The following TMEM100 variants were observed in gnomAD, a reference collection of about 807,000 sequenced individuals.
The protein encoded by TMEM100 is transmembrane protein 100.
For synonymous variants in TMEM100, 61 were observed against 67.1 expected (o/e 0.91, Z 0.44); for missense variants, 137 against 168.2 (o/e 0.81, Z 1.02).
upstream of TMEM100, among the ~76,000 whole-genome samples, chr17:55,727,271 T>C (rs961777921): frequency 2.0e-5 from 3 of 152,242 alleles, no homozygotes; most frequent in Non-Finnish European, 4.4e-5. Flanking sequence ...TTTATGTTTA[T>C]GTACGTTATT....
chr17:55,721,167 G>T, intron 1 of TMEM100, 32 bp from the exon 2 acceptor site: 1 of 1,389,464 alleles, frequency 7.2e-7, no homozygotes. Flanking sequence ...TCAGCTACAT[G>T]TATCAGAATG....
chr17:55,728,846 A>T (rs557974827), intron 1 of TMEM100, among the ~76,000 whole-genome samples: 1 of 152,302 alleles, frequency 6.6e-6, no homozygotes, highest in African/African-American at 2.4e-5. Flanking sequence ...TTCATGGCAC[A>T]CAGGCATTTA....
At chr17:55,730,113 G>C (rs906479589) in intron 1 of TMEM100, among the ~76,000 whole-genome samples, 2 of 152,174 alleles carry the variant, frequency 1.3e-5, no homozygotes, top group Admixed American at 1.3e-4. Flanking sequence ...TCATGCAATG[G>C]AAGCAAGCCT....
chr17:55,724,328 A>G (rs1909005013), upstream of TMEM100, among the ~76,000 whole-genome samples: 1 of 152,236 alleles, frequency 6.6e-6, no homozygotes, highest in South Asian at 2.1e-4. Flanking sequence ...TTATGTCCTT[A>G]TAAAAAATAA....
chr17:55,731,877 A>T (rs542619766), exon 1 of TMEM100: 1 of 152,362 alleles, frequency 6.6e-6, no homozygotes, highest in East Asian at 1.9e-4. Context: ...TGTAAACTGC[A>T]TTTGAAAGGA....
intron 1 of TMEM100, among the ~76,000 whole-genome samples, chr17:55,730,745 C>T (rs1909183861): frequency 6.6e-6 from 1 of 152,214 alleles, no homozygotes. Flanking sequence ...AAACAGAACA[C>T]TTTGCCCAGC....
chr17:55,720,711 C>T lies in TMEM100; in HGVS notation c.360G>A (p.Glu120=). The T allele has an allele frequency of 1.2e-6, 2 of 1,613,804 alleles. No homozygotes were observed. Among genetic ancestry groups the T allele is most frequent in the Non-Finnish European group, 1.7e-6 (2 of 1,179,846 alleles). Residue 120 remains glutamate (E), a synonymous_variant, in exon 2 of 2, where the codon GAG becomes GAA. Transcript: ENST00000424486. ...RQRSKKAKRR[E]SQTALVANQR... ...GATTTGCCACGAGAGCTGTTTGACT[C>T]TCCCGTCTCTTGGCTTTCTTGCTCC...
chr17:55,726,428 A>G (rs1909077279), upstream of TMEM100, among the ~76,000 whole-genome samples: 1 of 152,118 alleles, frequency 6.6e-6, no homozygotes, highest in Non-Finnish European at 1.5e-5. Flanking sequence ...AAGGTTGCAA[A>G]AGGGGATGTT....
At chr17:55,730,862 C>T (rs752390533) in intron 1 of TMEM100, among the ~76,000 whole-genome samples, 4 of 152,118 alleles carry the variant, frequency 2.6e-5, no homozygotes, top group African/African-American at 7.2e-5. Context: ...TTTAAAGTCT[C>T]GTTTTGTAAA....
At chr17:55,730,268 C>T (rs75805741) in intron 1 of TMEM100, among the ~76,000 whole-genome samples, 83 of 151,898 alleles carry the variant, frequency 5.5e-4, no homozygotes, top group Non-Finnish European at 1.1e-3. Context: ...ACATTGAAAT[C>T]GGATGTAAAT....
At chr17:55,724,564 A>G (rs1003306731), upstream of TMEM100, among the ~76,000 whole-genome samples, 1 of 152,216 alleles carries the variant, frequency 6.6e-6, no homozygotes, top group Non-Finnish European at 1.5e-5. Context: ...GCTACGTACA[A>G]TGGAGGTTCT....
intron 1 of TMEM100, among the ~76,000 whole-genome samples, chr17:55,731,128 A>G (rs1476720184): frequency 6.6e-6 from 1 of 152,210 alleles, no homozygotes; most frequent in East Asian, 1.9e-4. Context: ...GACTTCCAGT[A>G]TGATGGACTC....
At chr17:55,722,200 G>C (rs761746233) in intron 1 of TMEM100, among the ~76,000 whole-genome samples, 16 of 152,186 alleles carry the variant, frequency 1.1e-4, no homozygotes, top group Non-Finnish European at 1.9e-4. Context: ...AGACATGGTT[G>C]AGTCACTGTC....
At chr17:55,729,037 C>A (rs770174590) in intron 1 of TMEM100, among the ~76,000 whole-genome samples, 6 of 152,324 alleles carry the variant, frequency 3.9e-5, no homozygotes, top group East Asian at 1.9e-4. Flanking sequence ...AGTTTATGGT[C>A]GGATTATCGC....
upstream of TMEM100, among the ~76,000 whole-genome samples, chr17:55,723,260 G>T (rs553400457): frequency 4.6e-5 from 7 of 152,158 alleles, no homozygotes; most frequent in South Asian, 1.5e-3. Flanking sequence ...AAGTCATCAG[G>T]CAGCTGAATT....
At chr17:55,721,171 C>T in intron 1 of TMEM100, 36 bp from the exon 2 acceptor site, 1 of 1,364,960 alleles carries the variant, frequency 7.3e-7, no homozygotes, top group Non-Finnish European at 1.0e-6. Flanking sequence ...CTACATGTAT[C>T]AGAATGTACA....
rs1243614580 is a variant in TMEM100 at position 55,720,529 on chromosome 17, C to T, written c.*137G>A. On this transcript the variant is annotated 3_prime_UTR_variant, in exon 2 of 2. Transcript: ENST00000424486. ...GTCATTCCTCACAAAGGAGAAGCCC[C>T]TCCACCCTCCCACCCCCATTCTTCC... 2 of 1,009,876 alleles carry T rather than the reference C, an allele frequency of 2.0e-6. No individual in the cohort carries two copies. The highest frequency in any genetic ancestry group is 5.0e-5 in the Admixed American group (2 of 39,778). 62.6% of individuals were successfully genotyped at this position (1,009,876 alleles called of 1,614,324 possible). A position where few individuals can be genotyped will look rare whatever the true frequency, so the allele number is the denominator to read the frequency against.
At position 55,722,772 on chromosome 17, in the gene TMEM100, G is replaced by GA. The variant is rs1018811992; in HGVS notation, c.-220dup. 2.6e-5 allele frequency: 4 copies of GA among 152,222 alleles called. No homozygotes were observed. The highest frequency in any genetic ancestry group is 9.7e-5 in the African/African-American group (4 of 41,444). 9.4% of individuals were successfully genotyped at this position (152,222 alleles called of 1,614,324 possible). On this transcript the variant is annotated 5_prime_UTR_variant, in exon 1 of 2. Transcript: ENST00000424486. Reference sequence around the variant, plus strand: ...GGTTAGGGATCTCTTCTGGGGAAAGGAAAAGATGTAAAAATACTTTACTAT... The same window carrying GA: ...GGTTAGGGATCTCTTCTGGGGAAAGGAAAAAGATGTAAAAATACTTTACTAT...
rs369498243 is a variant in TMEM100, at chr17:55,720,696, G to A, written c.375C>T (p.Leu125=). 20 of 1,611,914 alleles carry A rather than the reference G, an allele frequency of 1.2e-5. No homozygotes were observed. The African/African-American group carries it at 1.6e-4, about 13-fold the overall frequency. The change falls in exon 2 of 2, where the codon CTC becomes CTT. Residue 125 remains leucine, a synonymous_variant. Coordinates refer to ENST00000424486, the MANE Select transcript of TMEM100 (RefSeq NM_018286.3). ...KAKRRESQTA[L]VANQRSLFA ...CAAACAAGCTTCTCTGATTTGCCAC[G>A]AGAGCTGTTTGACTCTCCCGTCTCT...
Sources: allele counts gnomAD v4.1 joint callset (sites outside exome capture counted in the v4.1 genomes callset), GRCh38; gene constraint gnomAD v4.1.1; transcripts MANE v1.5; gene names NCBI Gene and HGNC (gene_info 2026-07-23, HGNC 2026-07-21).